The following SECISBP2L variants were observed in gnomAD, a reference collection of about 807,000 sequenced individuals.
SECISBP2L encodes SECIS binding protein 2 like.
In SECISBP2L, 43 loss-of-function variants were observed where a neutral mutation model predicts 114.7. The observed-to-expected ratio is 0.38, with a 90% CI of 0.29 to 0.48. SECISBP2L has a LOEUF of 0.48. Among genes scored for constraint, SECISBP2L ranks in the 20% least tolerant of loss-of-function variants. The pLI is 0.98. For missense variants in SECISBP2L, 1,136 were observed against 1,301.1 expected, an observed-to-expected ratio of 0.87 and a Z score of 1.95; for synonymous variants, 451 against 439.7, an observed-to-expected ratio of 1.03 and a Z score of -0.32.
chr15:48,998,529 T>C (rs577885280), intron 16 of SECISBP2L, among the ~76,000 whole-genome samples: 14 of 152,232 alleles, frequency 9.2e-5, no homozygotes, highest in South Asian at 4.1e-4. Flanking sequence ...GAGTTTAACA[T>C]TGGTTTTACA....
At chr15:49,045,474 G>A (rs559998414) in intron 1 of SECISBP2L, among the ~76,000 whole-genome samples, 1 of 152,306 alleles carries the variant, frequency 6.6e-6, no homozygotes, top group South Asian at 2.1e-4. Flanking sequence ...GTTTCGCAGA[G>A]ATCTTAAGAG....
chr15:48,988,733 C>G lies in SECISBP2L; in HGVS notation c.*3511G>C, dbSNP rs1002636480. On this transcript the variant is annotated 3_prime_UTR_variant, in exon 18 of 18. Transcript: ENST00000559471. The stretch of plus-strand genomic sequence containing the variant: ...TTATTACCCCCCAAATGTGATATAA[C>G]AATTATCCTTCATACAGCAAAAGAT... The G allele has an allele frequency of 5.4e-6, 2 of 370,164 alleles. No individual in the cohort carries two copies. The highest frequency in any genetic ancestry group is 1.1e-5 in the Non-Finnish European group (2 of 183,820). 22.9% of individuals were successfully genotyped at this position (370,164 alleles called of 1,614,324 possible). A position where few individuals can be genotyped will look rare whatever the true frequency, so the allele number is the denominator to read the frequency against.
In SECISBP2L at chr15:49,005,852, G is replaced by C. The variant is rs182612505; in HGVS notation, c.2027+3364C>G. Among the ~76,000 whole-genome samples the C allele has an allele frequency of 2.2e-3, 331 of 151,962 alleles. 1 individual carries two copies. The highest frequency in any genetic ancestry group is 4.0e-3 in the Non-Finnish European group (270 of 67,974). The stretch of plus-strand genomic sequence containing the variant: ...GATGCAGTTTCTTCATAGTGTTGAC[G>C]GTCTTTACAATTTGGTATGTTTTTG... On this transcript the variant is annotated intron_variant, in intron 14 of 17. Transcript: ENST00000559471.
chr15:49,034,057 T>C (rs924425348), intron 3 of SECISBP2L, among the ~76,000 whole-genome samples: 3 of 152,122 alleles, frequency 2.0e-5, no homozygotes, highest in Non-Finnish European at 4.4e-5. Context: ...TTTTTCATTC[T>C]GAGTTCCCGA....
chr15:49,003,983 T>A (rs1465910086), intron 14 of SECISBP2L, among the ~76,000 whole-genome samples: 2 of 152,258 alleles, frequency 1.3e-5, no homozygotes, highest in African/African-American at 2.4e-5. Flanking sequence ...TCCCTCTTTT[T>A]CTATTGTTTG....
intron 1 of SECISBP2L, among the ~76,000 whole-genome samples, chr15:49,040,337 T>C (rs1336680241): frequency 6.6e-6 from 1 of 152,114 alleles, no homozygotes; most frequent in Non-Finnish European, 1.5e-5. Context: ...GAGAAGCTGC[T>C]ATAGTCAACA....
At chr15:48,999,777 T>A in intron 16 of SECISBP2L, 56 bp downstream of exon 16, 1 of 1,572,264 alleles carries the variant, frequency 6.4e-7, no homozygotes, top group South Asian at 1.1e-5. Context: ...AATCGAAAAA[T>A]GTGCTATCTG....
In SECISBP2L at chr15:49,019,487, T is replaced by C; in HGVS notation, c.1101A>G (p.Pro367=). ...SERRQNLQKR[P]DNKHLSSSQS... ...GACTAGAGCTTAAATGCTTATTATC[T>C]GGTCTCTTTTGCAAATTCTGTCTTC... is the stretch of plus-strand genomic sequence containing the variant. The change falls in exon 8 of 18, where the codon CCA becomes CCG. Residue 367 remains proline, a synonymous_variant. Coordinates refer to ENST00000559471, the MANE Select transcript of SECISBP2L (RefSeq NM_001193489.2). 1 of 1,512,770 alleles carries C rather than the reference T, an allele frequency of 6.6e-7. No individual in the cohort carries two copies. Among genetic ancestry groups the C allele is most frequent in the Non-Finnish European group, 8.8e-7 (1 of 1,137,508 alleles). The allele number at this position is 1,512,770 out of a possible 1,614,324, so 93.7% of individuals were successfully genotyped here.
chr15:49,033,613 G>A (rs1301488649), intron 3 of SECISBP2L, among the ~76,000 whole-genome samples: 2 of 152,074 alleles, frequency 1.3e-5, no homozygotes, highest in South Asian at 2.1e-4. Flanking sequence ...TAGGCTGAAA[G>A]ATCACTTGAG....
intron 7 of SECISBP2L, among the ~76,000 whole-genome samples, chr15:49,022,595 C>T (rs1168186270): frequency 6.6e-6 from 1 of 151,984 alleles, no homozygotes; most frequent in East Asian, 1.9e-4. Context: ...GAGCAAGACT[C>T]CGTCTCAAAA....
Position 49,033,827 on chromosome 15 carries a change from GTCAA to G in SECISBP2L, c.529-731_529-728del, listed in dbSNP as rs141119807. On this transcript the variant is annotated intron_variant, in intron 3 of 17. Transcript: ENST00000559471. ...AGTCTGGCTGACAGAGACCGACCCTGTCAATCAATCAATCAATCAATCAATATTA... is the reference window on the plus strand; with the variant it reads ...AGTCTGGCTGACAGAGACCGACCCTGTCAATCAATCAATCAATCAATATTA... Among the ~76,000 whole-genome samples the G allele has an allele frequency of 4.9e-4, 74 of 152,174 alleles. No individual in the cohort carries two copies. In the East Asian group the frequency reaches 5.0e-3, roughly 10 times the overall value.
At chr15:49,018,210 C>G (rs575555984) in intron 8 of SECISBP2L, among the ~76,000 whole-genome samples, 1 of 151,716 alleles carries the variant, frequency 6.6e-6, no homozygotes, top group South Asian at 2.1e-4. Flanking sequence ...GAGATATACT[C>G]TCAAGTCCTT....
intron 14 of SECISBP2L, among the ~76,000 whole-genome samples, chr15:49,005,267 T>A (rs950893933): frequency 2.0e-5 from 3 of 151,882 alleles, no homozygotes; most frequent in Admixed American, 2.0e-4. Context: ...GAGGTGGAGG[T>A]TGCAATAAGC....
chr15:49,037,436 A>G, intron 2 of SECISBP2L, 155 bp downstream of exon 2: 1 of 623,228 alleles, frequency 1.6e-6, no homozygotes, highest in Non-Finnish European at 2.7e-6. Flanking sequence ...AAACTAATCC[A>G]TATCAACAAT....
Position 49,002,578 on chromosome 15 carries a change from G to GT in SECISBP2L, c.2028-1482dup, listed in dbSNP as rs1595783264. On this transcript the variant is annotated intron_variant, in intron 14 of 17. Coordinates refer to ENST00000559471, the MANE Select transcript of SECISBP2L (RefSeq NM_001193489.2). ...TAGGTTTTCTTCCAGGGTTTTTATG[G>GT]TTTTAGGTTTTATGTTTTAAGCCAT... is the stretch of plus-strand genomic sequence containing the variant. 2.0e-5 allele frequency among the ~76,000 whole-genome samples: 3 copies of GT among 152,212 alleles called. No homozygotes were observed. In the East Asian group the frequency reaches 5.8e-4, roughly 29 times the overall value.
chr15:48,995,775 C>CT (rs1902073059), intron 17 of SECISBP2L: 1 of 152,210 alleles, frequency 6.6e-6, no homozygotes, highest in Non-Finnish European at 1.5e-5. Flanking sequence ...TAGTCTGTAT[C>CT]TCTTCTTGAT....
chr15:49,023,375 A>G (rs912432324), intron 7 of SECISBP2L, among the ~76,000 whole-genome samples: 3 of 152,234 alleles, frequency 2.0e-5, no homozygotes, highest in Non-Finnish European at 4.4e-5. Context: ...ACATTAAGAC[A>G]TAATTTTTAT....
chr15:49,029,381 A>G (rs1032001627), intron 4 of SECISBP2L, among the ~76,000 whole-genome samples: 1 of 152,076 alleles, frequency 6.6e-6, no homozygotes, highest in Non-Finnish European at 1.5e-5. Flanking sequence ...GGATTTCTGT[A>G]TTTCTAAAAC....
At chr15:49,019,639 C>A in intron 7 of SECISBP2L, 87 bp from the exon 8 acceptor site, 1 of 1,118,960 alleles carries the variant, frequency 8.9e-7, no homozygotes, top group Non-Finnish European at 1.2e-6. Flanking sequence ...CAGAAAAGTA[C>A]ACGCAAGTGT....
Sources: gnomAD v4.1 joint callset for allele counts (sites outside exome capture counted in the v4.1 genomes callset) on GRCh38, gnomAD v4.1.1 for gene constraint, MANE v1.5 for transcripts, NCBI Gene and HGNC (gene_info 2026-07-23, HGNC 2026-07-21) for gene names.